The following CTNNA2 variants were observed in gnomAD, a reference collection of about 807,000 sequenced individuals.
CTNNA2 encodes the protein catenin alpha 2.
Under a neutral mutation model 101.0 loss-of-function variants are expected in CTNNA2, and 42 were observed. That is an observed-to-expected ratio of 0.42 (90% confidence interval 0.32 to 0.54). CTNNA2 has a LOEUF of 0.54. Ranked by LOEUF, CTNNA2 falls within the 20% of genes least tolerant of loss-of-function variation. The probability of loss-of-function intolerance (pLI) is 0.14; values close to 1 mark genes in which losing one functional copy is unlikely to be tolerated. For missense variants in CTNNA2, 871 were observed against 1,223.1 expected (o/e 0.71, Z 4.29); for synonymous variants, 450 against 456.4 (o/e 0.99, Z 0.18).
chr2:80,039,832 T>G (rs2104261011), intron 7 of CTNNA2, among the ~76,000 whole-genome samples: 1 of 152,336 alleles, frequency 6.6e-6, no homozygotes, highest in Non-Finnish European at 1.5e-5. Flanking sequence ...GAAAAACATG[T>G]TGGCTTGGTC....
chr2:79,365,349 G>A (rs1016890152), intron 3 of CTNNA2, among the ~76,000 whole-genome samples: 2 of 152,114 alleles, frequency 1.3e-5, no homozygotes, highest in Admixed American at 1.3e-4. Flanking sequence ...ATAGCCAAGG[G>A]TGGTGTCTCA....
intron 4 of CTNNA2, among the ~76,000 whole-genome samples, chr2:79,434,761 G>T (rs1023118736): frequency 6.6e-6 from 1 of 152,198 alleles, no homozygotes; most frequent in Non-Finnish European, 1.5e-5. Flanking sequence ...GAAGGGAGAT[G>T]AGTGAGAAAC....
chr2:80,504,971 C>T (rs1345069783), intron 9 of CTNNA2, among the ~76,000 whole-genome samples: 3 of 152,160 alleles, frequency 2.0e-5, no homozygotes, highest in African/African-American at 4.8e-5. Context: ...CAGGTGCTGG[C>T]GCTCCTAGAT....
At chr2:80,202,056 C>T (rs554883632) in intron 7 of CTNNA2, among the ~76,000 whole-genome samples, 1 of 152,282 alleles carries the variant, frequency 6.6e-6, no homozygotes, top group East Asian at 1.9e-4. Context: ...ATTTTCCCTA[C>T]TAGCTTCAAC....
rs6744163 is a variant in CTNNA2 at position 79,541,380 on chromosome 2, A to G, written c.-6+28173A>G. ...AATGTTTACACATATGTATAAATAC[A>G]TACATATACTTGTATACATATATAC... On this transcript the variant is annotated intron_variant, in intron 1 of 18. Coordinates refer to ENST00000402739, the MANE Select transcript of CTNNA2 (RefSeq NM_001282597.3). Among the ~76,000 whole-genome samples, 1,179 of 149,388 alleles carry G rather than the reference A, an allele frequency of 7.9e-3. 6 individuals are homozygous for G. The highest frequency in any genetic ancestry group is 0.027 in the African/African-American group (1,113 of 40,724).
chr2:79,832,674 A>C (rs1679014452), intron 3 of CTNNA2, among the ~76,000 whole-genome samples: 1 of 152,102 alleles, frequency 6.6e-6, no homozygotes, highest in Non-Finnish European at 1.5e-5. Context: ...TGTGCATCCA[A>C]ACAAAAGCAG....
At chr2:79,328,049 T>G (rs1676786846) in intron 3 of CTNNA2, among the ~76,000 whole-genome samples, 1 of 151,956 alleles carries the variant, frequency 6.6e-6, no homozygotes, top group South Asian at 2.1e-4. Flanking sequence ...AGAGAAGAGT[T>G]AGAAGGGAAG....
intron 7 of CTNNA2, among the ~76,000 whole-genome samples, chr2:80,095,728 T>A (rs965230800): frequency 7.9e-5 from 12 of 152,224 alleles, no homozygotes; most frequent in Non-Finnish European, 1.0e-4. Flanking sequence ...TGGTTTAGTC[T>A]TGGGAGGGTG....
At chr2:80,300,314 G>A (rs1035740945) in intron 7 of CTNNA2, among the ~76,000 whole-genome samples, 2 of 151,160 alleles carry the variant, frequency 1.3e-5, no homozygotes, top group Admixed American at 1.3e-4. Context: ...GTGTGTGTGT[G>A]TGTGTGTGTG....
intron 7 of CTNNA2, among the ~76,000 whole-genome samples, chr2:80,064,799 T>A (rs760359975): frequency 6.6e-6 from 1 of 152,190 alleles, no homozygotes; most frequent in Non-Finnish European, 1.5e-5. Flanking sequence ...ACCAAACAAG[T>A]CATGTGGCTA....
At chr2:80,587,441 C>G (rs1395145320) in intron 14 of CTNNA2, among the ~76,000 whole-genome samples, 1 of 152,146 alleles carries the variant, frequency 6.6e-6, no homozygotes, top group Non-Finnish European at 1.5e-5. Flanking sequence ...TGCTTACTTT[C>G]ATTTTATTTG....
intron 2 of CTNNA2, among the ~76,000 whole-genome samples, chr2:79,266,746 G>T (rs1674992297): frequency 6.6e-6 from 1 of 152,022 alleles, no homozygotes; most frequent in African/African-American, 2.4e-5. Flanking sequence ...GACTTACCTA[G>T]TATCACCAGC....
intron 3 of CTNNA2, among the ~76,000 whole-genome samples, chr2:79,823,994 GA>G (rs918250578): frequency 1.6e-4 from 24 of 151,744 alleles, no homozygotes; most frequent in Middle Eastern, 3.4e-3. Context: ...TGTTTAGGGG[GA>G]AAAAAAATAA....
intron 4 of CTNNA2, among the ~76,000 whole-genome samples, chr2:79,374,186 A>C (rs1316119554): frequency 2.6e-5 from 4 of 152,326 alleles, no homozygotes; most frequent in African/African-American, 7.2e-5. Flanking sequence ...CAGCAGAAAT[A>C]GAGAATTACT....
At chr2:79,808,600 T>C (rs1341540117) in intron 3 of CTNNA2, among the ~76,000 whole-genome samples, 1 of 152,224 alleles carries the variant, frequency 6.6e-6, no homozygotes, top group Non-Finnish European at 1.5e-5. Flanking sequence ...TCTATTCTTT[T>C]ATGAATCATG....
At chr2:79,251,147 C>T (rs1399064727) in intron 2 of CTNNA2, among the ~76,000 whole-genome samples, 1 of 152,056 alleles carries the variant, frequency 6.6e-6, no homozygotes, top group Non-Finnish European at 1.5e-5. Flanking sequence ...CCACCAAGGC[C>T]CCAGATGCCC....
intron 1 of CTNNA2, among the ~76,000 whole-genome samples, chr2:79,587,612 A>G (rs1442002281): frequency 6.6e-6 from 1 of 152,124 alleles, no homozygotes; most frequent in Non-Finnish European, 1.5e-5. Context: ...AGGTGCATAA[A>G]ACCATCATTT....
intron 1 of CTNNA2, among the ~76,000 whole-genome samples, chr2:79,623,179 A>G (rs569581619): frequency 8.5e-5 from 13 of 152,256 alleles, no homozygotes; most frequent in African/African-American, 3.1e-4. Context: ...AGAGATAATA[A>G]TGGTATGTTA....
At chr2:80,536,971 T>C (rs992929871) in intron 9 of CTNNA2, among the ~76,000 whole-genome samples, 1 of 152,216 alleles carries the variant, frequency 6.6e-6, no homozygotes, top group Non-Finnish European at 1.5e-5. Flanking sequence ...GCTTGTTACA[T>C]AGGTATACAT....
Sources: allele counts gnomAD v4.1 joint callset (sites outside exome capture counted in the v4.1 genomes callset), GRCh38; gene constraint gnomAD v4.1.1; transcripts MANE v1.5; gene names NCBI Gene and HGNC (gene_info 2026-07-23, HGNC 2026-07-21).